Variants in ANXA13 observed in about 807,000 individuals in gnomAD.
The protein encoded by ANXA13 is annexin A13.
In ANXA13, 36 loss-of-function variants were observed where a neutral mutation model predicts 46.6. The observed-to-expected ratio is 0.77, with a 90% CI of 0.59 to 1.02. The LOEUF (loss-of-function observed/expected upper bound fraction) is 1.02, where lower values mean the gene tolerates loss of function less well. ANXA13 is among the 50% of genes least tolerant of loss of function. The probability of loss-of-function intolerance (pLI) is 0.00; values close to 1 mark genes in which losing one functional copy is unlikely to be tolerated. For missense variants in ANXA13, 417 were observed against 396.5 expected, an observed-to-expected ratio of 1.05 and a Z score of -0.44; for synonymous variants, 163 against 152.9, an observed-to-expected ratio of 1.07 and a Z score of -0.49.
chr8:123,689,573 T>A (rs1044787026), intron 8 of ANXA13, among the ~76,000 whole-genome samples: 1 of 152,194 alleles, frequency 6.6e-6, no homozygotes, highest in African/African-American at 2.4e-5. Flanking sequence ...GTCTTCACTC[T>A]GGGGTGATTC....
chr8:123,732,596 A>G (rs1814140887), intron 1 of ANXA13, among the ~76,000 whole-genome samples: 1 of 151,670 alleles, frequency 6.6e-6, no homozygotes, highest in Admixed American at 6.6e-5. Flanking sequence ...TTGAGGTTTC[A>G]TTTAACATGT....
rs182337916 is a variant in ANXA13, at chr8:123,696,769, C to T, written c.358-1048G>A. Reference sequence around the variant, plus strand: ...AACCAGGATCTGCCTGAACCTGGCACCCACTCTCTGCAGGTTTTTCTTCTC... The same window carrying T: ...AACCAGGATCTGCCTGAACCTGGCATCCACTCTCTGCAGGTTTTTCTTCTC... On this transcript the variant is annotated intron_variant, in intron 4 of 10. Coordinates refer to ENST00000419625, the MANE Select transcript of ANXA13 (RefSeq NM_004306.4). Among the ~76,000 whole-genome samples the T allele has an allele frequency of 2.6e-5, 4 of 152,242 alleles. No homozygotes were observed. The East Asian group carries it at 7.7e-4, about 29-fold the overall frequency.
intron 6 of ANXA13, among the ~76,000 whole-genome samples, chr8:123,695,117 G>C (rs945009685): frequency 6.6e-6 from 1 of 152,104 alleles, no homozygotes; most frequent in Non-Finnish European, 1.5e-5. Flanking sequence ...TGTTGTGGAA[G>C]CGGCCCTGCT....
At chr8:123,734,868 A>G (rs1586346370) in intron 1 of ANXA13, among the ~76,000 whole-genome samples, 1 of 151,408 alleles carries the variant, frequency 6.6e-6, no homozygotes, top group African/African-American at 2.4e-5. Flanking sequence ...CCAAACAGCC[A>G]TACTTCAATA....
At chr8:123,733,637 C>A (rs924324797) in intron 1 of ANXA13, among the ~76,000 whole-genome samples, 28 of 152,346 alleles carry the variant, frequency 1.8e-4, no homozygotes, top group African/African-American at 6.3e-4. Flanking sequence ...ATTTACAAAT[C>A]GGTTTTCAGT....
At position 123,700,480 on chromosome 8, in the gene ANXA13, G is replaced by A. The variant is rs542626836; in HGVS notation, c.187-1921C>T. 2.5e-4 allele frequency among the ~76,000 whole-genome samples: 38 copies of A among 152,300 alleles called. 1 individual carries two copies. In the South Asian group the frequency reaches 6.4e-3, roughly 26 times the overall value. On this transcript the variant is annotated intron_variant, in intron 3 of 10. Transcript: ENST00000419625. ...CATACCTAACATCTTCTAGCTTTGC[G>A]TTGTTGGGATTCTAGATTATCTGTT...
At chr8:123,732,638 C>T (rs1410655983) in intron 1 of ANXA13, among the ~76,000 whole-genome samples, 3 of 151,698 alleles carry the variant, frequency 2.0e-5, no homozygotes, top group South Asian at 2.1e-4. Flanking sequence ...TGTCCTCTGC[C>T]GACTTCTTAC....
At chr8:123,709,758 G>GTA (rs1813619730) in intron 2 of ANXA13, among the ~76,000 whole-genome samples, 1 of 152,136 alleles carries the variant, frequency 6.6e-6, no homozygotes, top group South Asian at 2.1e-4. Flanking sequence ...TTTCATATAT[G>GTA]TATGTGTGTA....
rs901528412 is a variant in ANXA13, at chr8:123,684,525, C to T, written c.831+85G>A. The T allele has an allele frequency of 1.1e-5, 11 of 958,964 alleles. No homozygotes were observed. In the African/African-American group the frequency reaches 1.5e-4, roughly 13 times the overall value. The allele number at this position is 958,964 out of a possible 1,614,324, so 59.4% of individuals were successfully genotyped here. On this transcript the variant is annotated intron_variant, in intron 10 of 10. Transcript: ENST00000419625. Reference sequence around the variant, plus strand: ...GTTTTACTTTTTCTGTAAATAGGCCCTTAATAGAAACTATTTGTTGATGAC... The same window carrying T: ...GTTTTACTTTTTCTGTAAATAGGCCTTTAATAGAAACTATTTGTTGATGAC...
intron 1 of ANXA13, chr8:123,729,121 A>G (rs927772281): frequency 7.9e-5 from 12 of 152,194 alleles, no homozygotes; most frequent in Admixed American, 5.9e-4. Flanking sequence ...GGGTAGGTCC[A>G]TGACCCAAGC....
At chr8:123,703,153 C>A (rs1004294394) in intron 2 of ANXA13, among the ~76,000 whole-genome samples, 1 of 152,166 alleles carries the variant, frequency 6.6e-6, no homozygotes, top group Non-Finnish European at 1.5e-5. Flanking sequence ...GGTATCCATA[C>A]AATGGAATGT....
chr8:123,707,548 A>C (rs1460940292), intron 2 of ANXA13, among the ~76,000 whole-genome samples: 4 of 152,192 alleles, frequency 2.6e-5, no homozygotes, highest in East Asian at 1.9e-4. Context: ...CTTTGCAGGG[A>C]CATGGATGAA....
chr8:123,708,526 G>A (rs748056996), intron 2 of ANXA13, among the ~76,000 whole-genome samples: 14 of 152,154 alleles, frequency 9.2e-5, no homozygotes, highest in Admixed American at 2.0e-4. Flanking sequence ...TGCTAGCACT[G>A]CTGGGCCGCG....
chr8:123,724,600 A>G (rs1171636390), intron 1 of ANXA13, among the ~76,000 whole-genome samples: 1 of 152,236 alleles, frequency 6.6e-6, no homozygotes, highest in African/African-American at 2.4e-5. Context: ...AAGATGCTAA[A>G]GATAAAGGGA....
chr8:123,709,134 T>C (rs1813604917), intron 2 of ANXA13, among the ~76,000 whole-genome samples: 1 of 152,214 alleles, frequency 6.6e-6, no homozygotes, highest in East Asian at 1.9e-4. Flanking sequence ...CTCATACCGA[T>C]CTCACTGGCT....
At chr8:123,697,803 C>A (rs1813370022) in intron 4 of ANXA13, among the ~76,000 whole-genome samples, 1 of 152,206 alleles carries the variant, frequency 6.6e-6, no homozygotes, top group African/African-American at 2.4e-5. Flanking sequence ...GAGCCAGAGA[C>A]AAATAGTTCT....
At chr8:123,695,455 G>T in intron 6 of ANXA13, 47 bp downstream of exon 6, 1 of 1,430,482 alleles carries the variant, frequency 7.0e-7, no homozygotes, top group Non-Finnish European at 9.8e-7. Flanking sequence ...TGTTGCCAAG[G>T]ATTCTTTCCT....
intron 7 of ANXA13, among the ~76,000 whole-genome samples, 173 bp downstream of exon 7, chr8:123,693,538 A>T (rs1472167023): frequency 6.6e-6 from 1 of 152,218 alleles, no homozygotes; most frequent in Non-Finnish European, 1.5e-5. Flanking sequence ...TAAGAATAGG[A>T]ACCATTCATT....
intron 8 of ANXA13, among the ~76,000 whole-genome samples, chr8:123,689,430 G>A (rs1371414099): frequency 1.3e-5 from 2 of 151,776 alleles, no homozygotes; most frequent in Admixed American, 6.6e-5. Flanking sequence ...TTGGGACCAG[G>A]GACTTAGTCA....
Sources: gnomAD v4.1 joint callset for allele counts (sites outside exome capture counted in the v4.1 genomes callset) on GRCh38, gnomAD v4.1.1 for gene constraint, MANE v1.5 for transcripts, NCBI Gene and HGNC (gene_info 2026-07-23, HGNC 2026-07-21) for gene names.